TLL1: variants seen among roughly 807,000 people sequenced by gnomAD.
The protein encoded by TLL1 is tolloid like 1.
Under a neutral mutation model 128.2 loss-of-function variants are expected in TLL1, and 49 were observed. That is an observed-to-expected ratio of 0.38 (90% confidence interval 0.30 to 0.48). TLL1 has a LOEUF of 0.48. TLL1 is among the 20% of genes least tolerant of loss of function. TLL1 has a pLI of 0.96. For synonymous variants in TLL1, 454 were observed against 418.8 expected (o/e 1.08, Z -1.03); for missense variants, 1,123 against 1,242.0 (o/e 0.90, Z 1.44).
intron 9 of TLL1, among the ~76,000 whole-genome samples, chr4:166,034,641 T>A (rs1283503999): frequency 1.3e-5 from 2 of 151,980 alleles, no homozygotes; most frequent in Non-Finnish European, 2.9e-5. Context: ...AGCATTGACA[T>A]GAAAAAGGAA....
chr4:166,098,939 T>C (rs1165065355), intron 19 of TLL1, among the ~76,000 whole-genome samples: 1 of 152,116 alleles, frequency 6.6e-6, no homozygotes, highest in Non-Finnish European at 1.5e-5. Flanking sequence ...TCTAAGTGAT[T>C]TTCATGTTTT....
chr4:165,920,946 A>G (rs1733015825), intron 1 of TLL1, among the ~76,000 whole-genome samples: 1 of 152,226 alleles, frequency 6.6e-6, no homozygotes, highest in Admixed American at 6.5e-5. Flanking sequence ...ATATTATACA[A>G]ACAAATGTTT....
rs1737848407 is a variant in TLL1 at position 166,014,547 on chromosome 4, GTATA to G, written c.1030_1033del (p.Tyr344AspfsTer37). 1 of 1,611,852 alleles carries G rather than the reference GTATA, an allele frequency of 6.2e-7. No individual in the cohort carries two copies. ...GAGATATCGCACAGGCAAGAAAGCTGTATAGATGTCCAGGTATTGCACTACACAA... is the reference window on the plus strand; with the variant it reads ...GAGATATCGCACAGGCAAGAAAGCTGGATGTCCAGGTATTGCACTACACAA... On this transcript the variant is annotated frameshift_variant, in exon 8 of 21. Transcript: ENST00000061240. LOFTEE classifies it high-confidence loss of function.
chr4:166,019,325 C>T (rs781302904), intron 8 of TLL1, among the ~76,000 whole-genome samples: 1 of 152,018 alleles, frequency 6.6e-6, no homozygotes, highest in African/African-American at 2.4e-5. Flanking sequence ...TGGGAGGCGA[C>T]AAGGATTGAA....
chr4:166,017,518 C>T (rs967718788), intron 8 of TLL1, among the ~76,000 whole-genome samples: 16 of 152,148 alleles, frequency 1.1e-4, no homozygotes, highest in Admixed American at 9.8e-4. Flanking sequence ...CTCCAAACTG[C>T]TTTCCTCAAT....
chr4:166,044,489 T>A, intron 12 of TLL1: 3 of 1,384,482 alleles, frequency 2.2e-6, no homozygotes, highest in South Asian at 1.3e-5. Flanking sequence ...CCATTTAACT[T>A]CCCAGATGTA....
At chr4:165,947,013 A>G (rs1203057882) in intron 1 of TLL1, among the ~76,000 whole-genome samples, 1 of 152,142 alleles carries the variant, frequency 6.6e-6, no homozygotes, top group African/African-American at 2.4e-5. Flanking sequence ...CAAAATACTG[A>G]GAGTATTACC....
chr4:166,054,780 G>T (rs1739924124), intron 12 of TLL1, among the ~76,000 whole-genome samples: 2 of 151,876 alleles, frequency 1.3e-5, no homozygotes, highest in African/African-American at 2.4e-5. Context: ...ATTGAATGAA[G>T]AATTTCTACT....
chr4:165,929,922 A>G (rs1382557468), intron 1 of TLL1, among the ~76,000 whole-genome samples: 1 of 152,162 alleles, frequency 6.6e-6, no homozygotes, highest in African/African-American at 2.4e-5. Context: ...TGTTTATATG[A>G]TTAAGTTTGA....
chr4:166,073,923 T>C (rs1241229031), intron 16 of TLL1, among the ~76,000 whole-genome samples: 1 of 152,140 alleles, frequency 6.6e-6, no homozygotes, highest in Non-Finnish European at 1.5e-5. Context: ...CACGTCCTTT[T>C]CATTCTCTAT....
intron 1 of TLL1, among the ~76,000 whole-genome samples, chr4:165,958,119 A>G (rs1310601212): frequency 1.3e-4 from 18 of 142,950 alleles, no homozygotes; most frequent in Non-Finnish European, 2.6e-4. Flanking sequence ...ATTGTTGGAC[A>G]TTTGGGTTGG....
chr4:165,951,897 ATGT>A (rs1423126299), intron 1 of TLL1, among the ~76,000 whole-genome samples: 1 of 152,128 alleles, frequency 6.6e-6, no homozygotes, highest in African/African-American at 2.4e-5. Flanking sequence ...TTTTATAGCA[ATGT>A]TGTTGATCTT....
chr4:165,940,155 T>G (rs1250140510), intron 1 of TLL1, among the ~76,000 whole-genome samples: 3 of 152,036 alleles, frequency 2.0e-5, no homozygotes, highest in Non-Finnish European at 4.4e-5. Flanking sequence ...TTCTGGACAT[T>G]TTCATTTATG....
In TLL1 at chr4:165,971,018, C is replaced by T. The variant is rs1253581622; in HGVS notation, c.170-18363C>T. Among the ~76,000 whole-genome samples, 4 of 152,210 alleles carry T rather than the reference C, an allele frequency of 2.6e-5. No individual in the cohort carries two copies. In the East Asian group the frequency reaches 5.8e-4, roughly 22 times the overall value. ...TGTCCTAGAGGGAAAGCCTCTTGGA[C>T]TGCAATCCACATTCCCCACCCCAGG... On this transcript the variant is annotated intron_variant, in intron 1 of 20. Coordinates refer to ENST00000061240, the MANE Select transcript of TLL1 (RefSeq NM_012464.5).
chr4:165,900,622 T>C (rs1292240615), intron 1 of TLL1, among the ~76,000 whole-genome samples: 2 of 152,202 alleles, frequency 1.3e-5, no homozygotes, highest in African/African-American at 2.4e-5. Flanking sequence ...TCTGATGGAC[T>C]TCCCTTTGCG....
intron 1 of TLL1, among the ~76,000 whole-genome samples, chr4:165,897,002 T>C (rs1400884552): frequency 6.6e-6 from 1 of 152,206 alleles, no homozygotes; most frequent in Non-Finnish European, 1.5e-5. Flanking sequence ...TAATGACCAG[T>C]GATGATGAGC....
chr4:165,906,831 T>C (rs1335926519), intron 1 of TLL1, among the ~76,000 whole-genome samples: 1 of 150,692 alleles, frequency 6.6e-6, no homozygotes, highest in Non-Finnish European at 1.5e-5. Flanking sequence ...TCTCCAGTTT[T>C]TTTTTTTTTT....
chr4:165,942,720 C>T (rs1734075538), intron 1 of TLL1, among the ~76,000 whole-genome samples: 1 of 151,566 alleles, frequency 6.6e-6, no homozygotes, highest in Non-Finnish European at 1.5e-5. Flanking sequence ...CAATACTATT[C>T]CACCCTCATG....
chr4:165,967,966 G>A (rs146240746), intron 1 of TLL1, among the ~76,000 whole-genome samples: 9 of 152,284 alleles, frequency 5.9e-5, no homozygotes, highest in African/African-American at 1.9e-4. Flanking sequence ...ACAATACAAT[G>A]CCTAGGTTTG....
Sources: gnomAD v4.1 joint callset for allele counts (sites outside exome capture counted in the v4.1 genomes callset) on GRCh38, gnomAD v4.1.1 for gene constraint, MANE v1.5 for transcripts, NCBI Gene and HGNC (gene_info 2026-07-23, HGNC 2026-07-21) for gene names.